The following SCUBE2 variants were observed in gnomAD, a reference collection of about 807,000 sequenced individuals.
SCUBE2 encodes signal peptide, CUB domain and EGF like domain containing 2.
SCUBE2 carries 114 observed loss-of-function variants against 125.9 expected under a neutral mutation model. The observed-to-expected ratio is 0.91, with a 90% CI of 0.78 to 1.06. SCUBE2 has a LOEUF of 1.06. Among genes scored for constraint, SCUBE2 ranks in the 50% least tolerant of loss-of-function variants. The pLI, the probability that SCUBE2 is intolerant of heterozygous loss-of-function variation, is 0.00. For missense variants in SCUBE2, 1,255 were observed against 1,301.8 expected (o/e 0.96, Z 0.55); for synonymous variants, 459 against 492.9 (o/e 0.93, Z 0.91).
intron 16 of SCUBE2, among the ~76,000 whole-genome samples, chr11:9,043,245 A>G (rs1286922150): frequency 6.6e-6 from 1 of 152,054 alleles, no homozygotes; most frequent in Non-Finnish European, 1.5e-5. Flanking sequence ...CAAATACAGT[A>G]TATATAATAC....
chr11:9,037,325 G>GT (rs1383345632), intron 16 of SCUBE2, among the ~76,000 whole-genome samples: 7 of 152,178 alleles, frequency 4.6e-5, no homozygotes, highest in African/African-American at 1.7e-4. Flanking sequence ...CCACACAGCT[G>GT]TTTTTTCTCC....
intron 4 of SCUBE2, among the ~76,000 whole-genome samples, chr11:9,074,259 C>T (rs915715447): frequency 6.6e-6 from 1 of 152,156 alleles, no homozygotes; most frequent in African/African-American, 2.4e-5. Context: ...TTTGAAAGGA[C>T]CTCAGAGCTC....
At position 9,021,518 on chromosome 11, in the gene SCUBE2, T is replaced by C. The variant is rs180734857; in HGVS notation, c.2935-321A>G. ...ACAAGTGTTTATTGCTAATTATTTA[T>C]AAGTATTTAAACTTTGGTGAATTTT... is the stretch of plus-strand genomic sequence containing the variant. On this transcript the variant is annotated intron_variant, in intron 22 of 22. Transcript: ENST00000649792. Among the ~76,000 whole-genome samples, 20 of 152,366 alleles carry C rather than the reference T, an allele frequency of 1.3e-4. No individual in the cohort carries two copies. In the East Asian group the frequency reaches 3.5e-3, roughly 26 times the overall value.
At chr11:9,047,675 G>T in intron 15 of SCUBE2, 113 bp from the exon 16 acceptor site, 1 of 1,138,192 alleles carries the variant, frequency 8.8e-7, no homozygotes, top group Non-Finnish European at 1.3e-6. Flanking sequence ...GGACCGAATG[G>T]GGAGAAACCT....
intron 14 of SCUBE2, 176 bp downstream of exon 14, chr11:9,050,430 T>C: frequency 4.9e-6 from 3 of 609,910 alleles, no homozygotes; most frequent in South Asian, 1.9e-5. Context: ...CATGCTAGGT[T>C]ATGCTCTTCT....
At position 9,065,721 on chromosome 11, in the gene SCUBE2, T is replaced by C. The variant is rs185812338; in HGVS notation, c.850+170A>G. On this transcript the variant is annotated intron_variant, in intron 7 of 22. Coordinates refer to ENST00000649792, the MANE Select transcript of SCUBE2 (RefSeq NM_001367977.2). ...CCAAGGGTCTTGCTTGGTTGGTGAT[T>C]AAGCAACAGCACTGGTGAAGAACAG... Among the ~76,000 whole-genome samples, 326 of 152,300 alleles carry C rather than the reference T, an allele frequency of 2.1e-3. 1 individual carries two copies. Among genetic ancestry groups the C allele is most frequent in the African/African-American group, 7.5e-3 (311 of 41,568 alleles).
chr11:9,090,749 A>G (rs1245147535), intron 1 of SCUBE2, among the ~76,000 whole-genome samples: 1 of 152,042 alleles, frequency 6.6e-6, no homozygotes, highest in Non-Finnish European at 1.5e-5. Context: ...CCGCCTTGGC[A>G]GAAGTATTTC....
chr11:9,053,682 A>G lies in SCUBE2; in HGVS notation c.1285T>C (p.Cys429Arg), dbSNP rs1439634448. Residue 429 changes from cysteine (C) to arginine (R), a missense_variant, in exon 11 of 23, where the codon TGC becomes CGC. This residue lies in a region of SCUBE2 where 378 missense variants were observed against 463.1 expected (regional missense o/e 0.82). Transcript: ENST00000649792. ...CAGTGGAGCTTGTACCCAGGGTGGC[A>G]CTGGCATTCATAGCTGCCCACTGTG... ...VNTVGSYECQ[C>R]HPGYKLHWNK... 3.1e-6 allele frequency: 5 copies of G among 1,614,062 alleles called. No individual in the cohort carries two copies. In the South Asian group the frequency reaches 3.3e-5, roughly 11 times the overall value.
chr11:9,054,472 T>C (rs1858791341), intron 10 of SCUBE2, among the ~76,000 whole-genome samples: 1 of 151,808 alleles, frequency 6.6e-6, no homozygotes, highest in Non-Finnish European at 1.5e-5. Context: ...TGCTTAACCA[T>C]TTACACAGTT....
intron 19 of SCUBE2, 147 bp from the exon 20 acceptor site, chr11:9,027,708 C>CA: frequency 1.5e-6 from 1 of 685,818 alleles, no homozygotes; most frequent in Non-Finnish European, 2.4e-6. Flanking sequence ...CTGTCCTTCC[C>CA]AGAGGGCCCC....
At chr11:9,051,709 C>T (rs1441894857) in intron 13 of SCUBE2, among the ~76,000 whole-genome samples, 1 of 152,104 alleles carries the variant, frequency 6.6e-6, no homozygotes, top group Non-Finnish European at 1.5e-5. Context: ...ATTATAGTAC[C>T]TATATTACCA....
At chr11:9,052,372 C>A (rs1858504237) in intron 13 of SCUBE2, among the ~76,000 whole-genome samples, 1 of 152,244 alleles carries the variant, frequency 6.6e-6, no homozygotes, top group African/African-American at 2.4e-5. Context: ...TTTCTCGGCA[C>A]AGAATCCCTG....
chr11:9,059,062 C>T (rs539328302), intron 9 of SCUBE2, among the ~76,000 whole-genome samples: 12 of 152,368 alleles, frequency 7.9e-5, no homozygotes, highest in Non-Finnish European at 1.3e-4. Context: ...GCTGTCATCA[C>T]ATCGATGGGT....
chr11:9,042,381 C>A (rs1172521011), intron 16 of SCUBE2, among the ~76,000 whole-genome samples: 1 of 152,112 alleles, frequency 6.6e-6, no homozygotes, highest in Admixed American at 6.5e-5. Flanking sequence ...CAAGATTCCC[C>A]TGGCTTTCTG....
At chr11:9,074,446 T>G in intron 4 of SCUBE2, 35 bp downstream of exon 4, 1 of 1,611,996 alleles carries the variant, frequency 6.2e-7, no homozygotes, top group African/African-American at 1.3e-5. Context: ...GTCTCAGATG[T>G]GGCTCTGCCC....
chr11:9,037,134 G>A (rs1025683814), intron 16 of SCUBE2, among the ~76,000 whole-genome samples: 2 of 152,232 alleles, frequency 1.3e-5, no homozygotes, highest in Non-Finnish European at 2.9e-5. Context: ...CTTTGCAAAT[G>A]TGCTGAGAAT....
Position 9,033,766 on chromosome 11 carries a change from C to A in SCUBE2, c.2033G>T (p.Gly678Val), listed in dbSNP as rs1037267142. 5.0e-6 allele frequency: 8 copies of A among 1,613,958 alleles called. No homozygotes were observed. Among genetic ancestry groups the A allele is most frequent in the African/African-American group, 1.3e-5 (1 of 74,874 alleles). Residue 678 changes from glycine to valine, a missense_variant, in exon 17 of 23, where the codon GGA becomes GTA. Transcript: ENST00000649792. ...ACATAAAATGCAGCGTTCTCGTGCT[C>A]CATCATAATAGGTCCCAGCCCTGCA... ...VSCRAGTYYD[G>V]ARERCILCPN...
chr11:9,074,668 C>T, intron 3 of SCUBE2, 53 bp from the exon 4 acceptor site: 1 of 1,603,742 alleles, frequency 6.2e-7, no homozygotes, highest in Non-Finnish European at 8.5e-7. Context: ...CAATGCCCCA[C>T]CTCACCCAGC....
chr11:9,021,266 T>G, intron 22 of SCUBE2, 69 bp from the exon 23 acceptor site: 1 of 1,388,360 alleles, frequency 7.2e-7, no homozygotes, highest in Non-Finnish European at 9.6e-7. Context: ...CCCATGGAAC[T>G]ATAATGACCC....
Sources: gnomAD v4.1 joint callset for allele counts (sites outside exome capture counted in the v4.1 genomes callset) on GRCh38, gnomAD v4.1.1 for gene constraint, gnomAD v4.1.1 regional missense constraint, MANE v1.5 for transcripts, NCBI Gene and HGNC (gene_info 2026-07-23, HGNC 2026-07-21) for gene names.